SEC24C: variants seen among roughly 807,000 people sequenced by gnomAD.
SEC24C encodes the protein protein transport protein Sec24C.
In SEC24C, 22 loss-of-function variants were observed where a neutral mutation model predicts 117.0. The observed-to-expected ratio is 0.19, with a 90% CI of 0.13 to 0.27. The LOEUF (loss-of-function observed/expected upper bound fraction) is 0.27, where lower values mean the gene tolerates loss of function less well. Among genes scored for constraint, SEC24C ranks in the 10% least tolerant of loss-of-function variants. The probability of loss-of-function intolerance (pLI) is 1.00; values close to 1 mark genes in which losing one functional copy is unlikely to be tolerated. For synonymous variants in SEC24C, 506 were observed against 529.4 expected, an observed-to-expected ratio of 0.96 and a Z score of 0.61; for missense variants, 1,155 against 1,375.1, an observed-to-expected ratio of 0.84 and a Z score of 2.53.
chr10:73,758,254 A>G (rs976101311), intron 3 of SEC24C, among the ~76,000 whole-genome samples: 4 of 152,256 alleles, frequency 2.6e-5, no homozygotes, highest in Non-Finnish European at 5.9e-5. Context: ...GAAAAGAAAA[A>G]AAAAAGTAGA....
At chr10:73,760,478 C>T in intron 5 of SEC24C, 92 bp downstream of exon 5, 2 of 1,433,286 alleles carry the variant, frequency 1.4e-6, no homozygotes, top group Admixed American at 2.3e-5. Flanking sequence ...TTTAGTATTA[C>T]TTGCTAAGTG....
In SEC24C at chr10:73,768,837, A is replaced by G. The variant is rs1162533847; in HGVS notation, c.2209A>G (p.Ser737Gly). The stretch of plus-strand genomic sequence containing the variant: ...GGAGAACGACCAGGAGCGGTTCCTG[A>G]GTGACCTGCGTCGTGATGTCCAGAA... ...QVENDQERFL[S>G]DLRRDVQKVV... Residue 737 changes from serine to glycine, a missense_variant, in exon 16 of 23, where the codon AGT (serine) becomes GGT (glycine). Transcript: ENST00000345254. 3 of 1,613,614 alleles carry G rather than the reference A, an allele frequency of 1.9e-6. No individual in the cohort carries two copies. Among genetic ancestry groups the G allele is most frequent in the African/African-American group, 1.3e-5 (1 of 74,886 alleles).
intron 1 of SEC24C, among the ~76,000 whole-genome samples, chr10:73,745,979 G>A (rs1184327423): frequency 6.6e-6 from 1 of 151,582 alleles, no homozygotes; most frequent in African/African-American, 2.4e-5. Flanking sequence ...GGCTAACAGG[G>A]TGAAAACCTG....
chr10:73,745,721 T>G (rs2082538891), intron 1 of SEC24C, among the ~76,000 whole-genome samples: 1 of 151,752 alleles, frequency 6.6e-6, no homozygotes, highest in South Asian at 2.1e-4. Context: ...GGCTAGTTTT[T>G]GTATTTTTAG....
intron 3 of SEC24C, among the ~76,000 whole-genome samples, chr10:73,756,470 A>G (rs1260748586): frequency 1.3e-5 from 2 of 152,226 alleles, no homozygotes; most frequent in African/African-American, 2.4e-5. Flanking sequence ...GCAAATGGAC[A>G]TGACATCTTT....
rs780036527 is a variant in SEC24C at position 73,765,444 on chromosome 10, G to A, written c.1228-7G>A. 14 of 1,607,496 alleles carry A rather than the reference G, an allele frequency of 8.7e-6. No individual in the cohort carries two copies. The highest frequency in any genetic ancestry group is 2.2e-5 in the East Asian group (1 of 44,674). On this transcript the variant is annotated splice_polypyrimidine_tract_variant and splice_region_variant and intron_variant, in intron 8 of 22. Transcript: ENST00000345254. Reference sequence around the variant, plus strand: ...TTATGTCTGATCCCTTCCCCTTTGCGCCTTAGGCTTCACCGTATGTTGTGG... The same window carrying A: ...TTATGTCTGATCCCTTCCCCTTTGCACCTTAGGCTTCACCGTATGTTGTGG...
In SEC24C at chr10:73,766,957, G is replaced by A. The variant is rs900289010; in HGVS notation, c.1894-97G>A. On this transcript the variant is annotated intron_variant, in intron 13 of 22. Transcript: ENST00000345254. Reference sequence around the variant, plus strand: ...TTCTTCAGTAGTGGGTGACTGTCCAGTGTGTTAGACTGTCTGACATAGCTG... The same window carrying A: ...TTCTTCAGTAGTGGGTGACTGTCCAATGTGTTAGACTGTCTGACATAGCTG... 3.7e-6 allele frequency: 5 copies of A among 1,368,046 alleles called. No homozygotes were observed. The Admixed American group carries it at 8.4e-5, about 23-fold the overall frequency. 84.7% of individuals were successfully genotyped at this position (1,368,046 alleles called of 1,614,324 possible). A position where few individuals can be genotyped will look rare whatever the true frequency, so the allele number is the denominator to read the frequency against.
At chr10:73,757,657 A>G (rs2082730160) in intron 3 of SEC24C, among the ~76,000 whole-genome samples, 1 of 150,802 alleles carries the variant, frequency 6.6e-6, no homozygotes, top group East Asian at 1.9e-4. Context: ...TGGGCCAGGC[A>G]CAGTGCTCAT....
At chr10:73,753,614 A>G (rs1382894230) in intron 3 of SEC24C, among the ~76,000 whole-genome samples, 1 of 152,136 alleles carries the variant, frequency 6.6e-6, no homozygotes, top group East Asian at 1.9e-4. Flanking sequence ...GGCTACACTG[A>G]GTGTGATCTC....
intron 6 of SEC24C, chr10:73,762,224 A>C (rs757198277): frequency 3.4e-6 from 4 of 1,170,086 alleles, no homozygotes; most frequent in Non-Finnish European, 4.5e-6. Flanking sequence ...CCATCCATGC[A>C]TGCCTGTGAC....
intron 6 of SEC24C, among the ~76,000 whole-genome samples, chr10:73,762,814 G>T (rs1266835262): frequency 6.6e-6 from 1 of 152,170 alleles, no homozygotes. Context: ...TACCAGCTTT[G>T]CAGGTCCTTT....
chr10:73,768,783 C>T, intron 15 of SEC24C, 27 bp from the exon 16 acceptor site: 2 of 1,608,600 alleles, frequency 1.2e-6, no homozygotes, highest in African/African-American at 1.3e-5. Context: ...TAGTCAGTGA[C>T]ATGACTCTGG....
chr10:73,760,899 A>G, intron 6 of SEC24C, 50 bp downstream of exon 6: 2 of 1,529,746 alleles, frequency 1.3e-6, no homozygotes, highest in East Asian at 2.3e-5. Context: ...TCTGCCAGAT[A>G]GGCAGGTCAA....
intron 22 of SEC24C, 22 bp from the exon 23 acceptor site, chr10:73,770,933 G>A (rs1780498204): frequency 1.2e-6 from 2 of 1,614,118 alleles, no homozygotes; most frequent in African/African-American, 2.7e-5. Flanking sequence ...CTTGCCTTAT[G>A]AACCCTGAAT....
At position 73,765,352 on chromosome 10, in the gene SEC24C, G is replaced by A. The variant is rs899952214; in HGVS notation, c.1228-99G>A. On this transcript the variant is annotated intron_variant, in intron 8 of 22. Coordinates refer to ENST00000345254, the MANE Select transcript of SEC24C (RefSeq NM_198597.3). ...TACTCCCTCTGCAGACAGAATATCT[G>A]CGCCATGCGCCTTCTTCCTCCGGTT... The A allele has an allele frequency of 4.5e-6, 6 of 1,341,756 alleles. No homozygotes were observed. The African/African-American group carries it at 8.7e-5, about 19-fold the overall frequency. 83.1% of individuals were successfully genotyped at this position (1,341,756 alleles called of 1,614,324 possible). A position where few individuals can be genotyped will look rare whatever the true frequency, so the allele number is the denominator to read the frequency against.
chr10:73,767,281 T>C (rs2082899727), intron 14 of SEC24C, 111 bp downstream of exon 14: 1 of 691,692 alleles, frequency 1.4e-6, no homozygotes, highest in Non-Finnish European at 2.5e-6. Context: ...TCAAATACCA[T>C]ATCTGTGACT....
In SEC24C at chr10:73,760,274, T is replaced by C. The variant is rs1421313429; in HGVS notation, c.738T>C (p.His246=). The C allele has an allele frequency of 1.2e-6, 2 of 1,613,838 alleles. No homozygotes were observed. The highest frequency in any genetic ancestry group is 1.3e-5 in the African/African-American group (1 of 74,882). Reference sequence around the variant, plus strand: ...GGCCCTCAGTGAGCCAGCCCAACCATGTGTCTTCACCTCCTCAAGCTCTGC... The same window carrying C: ...GGCCCTCAGTGAGCCAGCCCAACCACGTGTCTTCACCTCCTCAAGCTCTGC... ...FGGPSVSQPN[H]VSSPPQALPP... The change falls in exon 5 of 23, where the codon CAT becomes CAC. Residue 246 remains histidine (H), a synonymous_variant. Coordinates refer to ENST00000345254, the MANE Select transcript of SEC24C (RefSeq NM_198597.3).
chr10:73,766,651 C>A, intron 12 of SEC24C, 109 bp from the exon 13 acceptor site: 1 of 1,427,358 alleles, frequency 7.0e-7, no homozygotes, highest in East Asian at 2.3e-5. Context: ...GGTTGTGGCC[C>A]AGGAGTTGTC....
chr10:73,763,822 T>A, intron 7 of SEC24C, 34 bp from the exon 8 acceptor site: 3 of 1,606,386 alleles, frequency 1.9e-6, no homozygotes, highest in Non-Finnish European at 2.6e-6. Context: ...AAGGATTCTG[T>A]GATCTGACTC....
Sources: allele counts gnomAD v4.1 joint callset (sites outside exome capture counted in the v4.1 genomes callset), GRCh38; gene constraint gnomAD v4.1.1; transcripts MANE v1.5; gene names NCBI Gene and HGNC (gene_info 2026-07-23, HGNC 2026-07-21).